The following TASP1 variants were observed in gnomAD, a reference collection of about 807,000 sequenced individuals.
The protein encoded by TASP1 is threonine aspartase 1.
TASP1 carries 16 observed loss-of-function variants against 56.6 expected under a neutral mutation model. That is an observed-to-expected ratio of 0.28 (90% CI 0.19 to 0.43). The LOEUF is 0.43. TASP1 is among the 20% of genes least tolerant of loss of function. TASP1 has a pLI of 1.00. For missense variants in TASP1, 393 were observed against 511.6 expected, an observed-to-expected ratio of 0.77 and a Z score of 2.24; for synonymous variants, 179 against 184.2, an observed-to-expected ratio of 0.97 and a Z score of 0.23.
chr20:13,612,538 C>G (rs1404686832), intron 4 of TASP1, among the ~76,000 whole-genome samples: 1 of 150,896 alleles, frequency 6.6e-6, no homozygotes, highest in Non-Finnish European at 1.5e-5. Context: ...ATTCCCCATA[C>G]ACAGAAGCGC....
At chr20:13,149,954 G>A in the TASP1 span, among the ~76,000 whole-genome samples, 9 of 152,140 alleles carry the variant, frequency 5.9e-5, no homozygotes, top group Admixed American at 5.9e-4. Flanking sequence ...TCTTCAAGGG[G>A]GAACATGTAG....
At chr20:13,397,377 C>A (rs1331356555) in intron 13 of TASP1, among the ~76,000 whole-genome samples, 6 of 151,940 alleles carry the variant, frequency 3.9e-5, no homozygotes, top group Non-Finnish European at 7.4e-5. Flanking sequence ...CCTCAAAATA[C>A]CATGTCAGAC....
intron 12 of TASP1, among the ~76,000 whole-genome samples, chr20:13,427,678 T>G (rs1034891902): frequency 6.6e-6 from 1 of 152,112 alleles, no homozygotes; most frequent in Non-Finnish European, 1.5e-5. Flanking sequence ...TTCAAACATA[T>G]GGGTAATGGG....
At chr20:13,135,326 T>C in the TASP1 span, among the ~76,000 whole-genome samples, 1 of 152,152 alleles carries the variant, frequency 6.6e-6, no homozygotes, top group Non-Finnish European at 1.5e-5. Flanking sequence ...GAATGGTCTC[T>C]CCTATAATTA....
chr20:13,134,220 G>A, the TASP1 span, among the ~76,000 whole-genome samples: 1 of 152,172 alleles, frequency 6.6e-6, no homozygotes, highest in African/African-American at 2.4e-5. Context: ...TCTCAGTTAT[G>A]TCGTGATGCA....
At chr20:13,242,707 T>G in the TASP1 span, among the ~76,000 whole-genome samples, 1 of 152,158 alleles carries the variant, frequency 6.6e-6, no homozygotes, top group African/African-American at 2.4e-5. Flanking sequence ...GTTTCTATGC[T>G]TATTAAGGTT....
the TASP1 span, among the ~76,000 whole-genome samples, chr20:13,115,460 A>G: frequency 1.3e-5 from 2 of 152,100 alleles, no homozygotes. Flanking sequence ...GTGTCTACAA[A>G]CACTGTGGGC....
At chr20:13,301,198 A>AT in the TASP1 span, among the ~76,000 whole-genome samples, 111 of 148,932 alleles carry the variant, frequency 7.5e-4, no homozygotes, top group African/African-American at 2.0e-3. Context: ...TCATTTACAC[A>AT]TTTTTTTTTT....
At chr20:13,259,092 G>A in the TASP1 span, among the ~76,000 whole-genome samples, 1 of 152,104 alleles carries the variant, frequency 6.6e-6, no homozygotes, top group Non-Finnish European at 1.5e-5. Flanking sequence ...AGACCAGCCT[G>A]GCCAACATGG....
chr20:13,473,431 A>G (rs2044598226), intron 11 of TASP1, among the ~76,000 whole-genome samples: 1 of 152,158 alleles, frequency 6.6e-6, no homozygotes, highest in Admixed American at 6.5e-5. Flanking sequence ...GCACATGTAT[A>G]CATATGTAAC....
At chr20:13,453,060 C>T (rs2070334) in intron 11 of TASP1, among the ~76,000 whole-genome samples, 68,335 of 151,730 alleles carry the variant, frequency 0.45, 15,538 homozygotes, top group Non-Finnish European at 0.47. Flanking sequence ...TAATGATTAA[C>T]GAAAGGAGCC....
At chr20:13,583,854 T>C (rs2047209645) in intron 5 of TASP1, among the ~76,000 whole-genome samples, 1 of 152,030 alleles carries the variant, frequency 6.6e-6, no homozygotes, top group African/African-American at 2.4e-5. Flanking sequence ...GGCTGGTGGG[T>C]GGATCACCTG....
chr20:13,634,653 C>CA (rs1413216981), intron 1 of TASP1, among the ~76,000 whole-genome samples: 2 of 149,576 alleles, frequency 1.3e-5, no homozygotes, highest in African/African-American at 5.0e-5. Context: ...TCGCTTGAAC[C>CA]AGGGAGGCAA....
chr20:13,311,247 A>AGATAGATAGATAGATAGATAGAT, the TASP1 span, among the ~76,000 whole-genome samples: 19 of 116,288 alleles, frequency 1.6e-4, no homozygotes, highest in African/African-American at 3.1e-4. Flanking sequence ...GATAGATGAT[A>AGATAGATAGATAGATAGATAGAT]GATAGATAGA....
chr20:13,270,316 T>G, the TASP1 span, among the ~76,000 whole-genome samples: 1 of 152,224 alleles, frequency 6.6e-6, no homozygotes, highest in South Asian at 2.1e-4. Flanking sequence ...CTAGAAGTTT[T>G]CTGATGATCT....
At chr20:13,136,545 A>G in the TASP1 span, among the ~76,000 whole-genome samples, 1 of 151,560 alleles carries the variant, frequency 6.6e-6, no homozygotes, top group African/African-American at 2.4e-5. Context: ...AGTTGCAGTG[A>G]GATTAAATCG....
At chr20:13,328,350 T>C in the TASP1 span, among the ~76,000 whole-genome samples, 6 of 152,274 alleles carry the variant, frequency 3.9e-5, no homozygotes, top group East Asian at 5.8e-4. Flanking sequence ...CCCTGTTACA[T>C]TGTTGGTGGG....
the TASP1 span, among the ~76,000 whole-genome samples, chr20:13,370,187 T>A: frequency 6.6e-6 from 1 of 152,112 alleles, no homozygotes; most frequent in African/African-American, 2.4e-5. Context: ...AGTTTGAACA[T>A]GCTTGAAACA....
intron 10 of TASP1, among the ~76,000 whole-genome samples, chr20:13,528,219 C>CAAAAAAAAAA (rs397942980): frequency 1.1e-4 from 6 of 54,316 alleles, no homozygotes; most frequent in Admixed American, 2.6e-4. Context: ...GACTCTGACT[C>CAAAAAAAAAA]AAAAAAAAAA....
Sources: gnomAD v4.1 joint callset for allele counts (sites outside exome capture counted in the v4.1 genomes callset) on GRCh38, gnomAD v4.1.1 for gene constraint, MANE v1.5 for transcripts, NCBI Gene and HGNC (gene_info 2026-07-23, HGNC 2026-07-21) for gene names.